The following CEP57 variants were observed in gnomAD, a reference collection of about 807,000 sequenced individuals.
CEP57 encodes centrosomal protein of 57 kDa.
A neutral mutation model predicts 68.0 loss-of-function variants in CEP57; 40 were observed. The observed-to-expected ratio is 0.59, with a 90% confidence interval of 0.46 to 0.77. CEP57 has a LOEUF of 0.77. Among genes scored for constraint, CEP57 ranks in the 30% least tolerant of loss-of-function variants. The probability of loss-of-function intolerance (pLI) is 0.00; values close to 1 mark genes in which losing one functional copy is unlikely to be tolerated. For synonymous variants in CEP57, 219 were observed against 198.7 expected, an observed-to-expected ratio of 1.10 and a Z score of -0.86; for missense variants, 606 against 580.7, an observed-to-expected ratio of 1.04 and a Z score of -0.45.
At chr11:95,827,117 A>G (rs888005972) in intron 8 of CEP57, 4 of 152,272 alleles carry the variant, frequency 2.6e-5, no homozygotes, top group Non-Finnish European at 5.9e-5. Context: ...ATCTATTTAT[A>G]AAGTGGAATA....
intron 5 of CEP57, among the ~76,000 whole-genome samples, chr11:95,818,447 T>A (rs1410186701): frequency 6.6e-6 from 1 of 152,104 alleles, no homozygotes; most frequent in Non-Finnish European, 1.5e-5. Context: ...TTGAGTATCC[T>A]TAAGGCTTGC....
chr11:95,793,993 A>G (rs1387134021), intron 1 of CEP57, among the ~76,000 whole-genome samples: 2 of 152,214 alleles, frequency 1.3e-5, no homozygotes, highest in Admixed American at 1.3e-4. Context: ...CGTTTGTGGT[A>G]GACTAGATCT....
intron 4 of CEP57, among the ~76,000 whole-genome samples, chr11:95,817,536 C>T (rs963666474): frequency 1.3e-5 from 2 of 152,022 alleles, no homozygotes; most frequent in South Asian, 4.2e-4. Flanking sequence ...CCTGCTATCC[C>T]AGAGCATAAA....
chr11:95,815,011 C>T (rs997251157), intron 4 of CEP57: 16 of 152,202 alleles, frequency 1.1e-4, no homozygotes, highest in African/African-American at 3.9e-4. Flanking sequence ...TAAATAGTTG[C>T]TGTACTATAT....
In CEP57 at chr11:95,799,288, T is replaced by G; in HGVS notation, c.102T>G (p.Ser34=). The G allele has an allele frequency of 3.7e-6, 6 of 1,614,140 alleles. No individual in the cohort carries two copies. Among genetic ancestry groups the G allele is most frequent in the Non-Finnish European group, 5.1e-6 (6 of 1,179,990 alleles). Residue 34 remains serine (S), a synonymous_variant, in exon 2 of 11, where the codon TCT becomes TCG. Coordinates refer to ENST00000325542, the MANE Select transcript of CEP57 (RefSeq NM_014679.5). The part of the protein sequence containing the change: ...SNGSMVRHSS[S]PYVVYPSDKP... ...GAAGCATGGTTCGGCATTCTTCATC[T>G]CCATATGTAGTATATCCTTCGGATA...
intron 6 of CEP57, among the ~76,000 whole-genome samples, chr11:95,819,173 C>T (rs965247204): frequency 1.3e-5 from 2 of 152,178 alleles, no homozygotes; most frequent in African/African-American, 4.8e-5. Context: ...AGACTACACA[C>T]ATAAGAAGGT....
At chr11:95,808,181 AC>A (rs1404270788) in intron 2 of CEP57, among the ~76,000 whole-genome samples, 4 of 152,212 alleles carry the variant, frequency 2.6e-5, no homozygotes, top group African/African-American at 9.7e-5. Context: ...AGATTTTGTT[AC>A]CACCAGGCCT....
intron 2 of CEP57, among the ~76,000 whole-genome samples, chr11:95,811,152 A>T (rs1452275930): frequency 6.6e-6 from 1 of 152,210 alleles, no homozygotes; most frequent in Non-Finnish European, 1.5e-5. Context: ...TTATTGCGGC[A>T]CGGTTCACAA....
intron 1 of CEP57, among the ~76,000 whole-genome samples, chr11:95,798,247 C>T (rs926667868): frequency 1.3e-5 from 2 of 152,048 alleles, no homozygotes; most frequent in Non-Finnish European, 2.9e-5. Context: ...TATTTGCTTT[C>T]TTAAATCACC....
In CEP57 at chr11:95,818,905, G is replaced by A. The variant is rs1452779317; in HGVS notation, c.699+1G>A. The A allele has an allele frequency of 6.2e-7, 1 of 1,612,960 alleles. No homozygotes were observed. Among genetic ancestry groups the A allele is most frequent in the South Asian group, 1.1e-5 (1 of 91,050 alleles). ...ACGCATGCAAGCTAAGGCAGCTGAG[G>A]TAAGTTAAAATGTGAGAAAGTGGGC... On this transcript the variant is annotated splice_donor_variant, in intron 6 of 10. Coordinates refer to ENST00000325542, the MANE Select transcript of CEP57 (RefSeq NM_014679.5). LOFTEE classifies it high-confidence loss of function.
intron 2 of CEP57, 70 bp from the exon 3 acceptor site, chr11:95,812,862 T>C: frequency 7.2e-7 from 1 of 1,380,016 alleles, no homozygotes; most frequent in Non-Finnish European, 1.0e-6. Context: ...TTAGATGAGT[T>C]TATTCTTTCT....
chr11:95,830,439 A>T (rs1862952708), intron 10 of CEP57, among the ~76,000 whole-genome samples: 2 of 152,222 alleles, frequency 1.3e-5, no homozygotes, highest in Admixed American at 1.3e-4. Flanking sequence ...TGGAACACCA[A>T]CATGCCAGCA....
chr11:95,818,919 G>C lies in CEP57; in HGVS notation c.699+15G>C. On this transcript the variant is annotated intron_variant, in intron 6 of 10. Coordinates refer to ENST00000325542, the MANE Select transcript of CEP57 (RefSeq NM_014679.5). ...AGGCAGCTGAGGTAAGTTAAAATGT[G>C]AGAAAGTGGGCTCTTCATATTTCTT... 6.3e-7 allele frequency: 1 copy of C among 1,593,592 alleles called. No individual in the cohort carries two copies. The highest frequency in any genetic ancestry group is 8.6e-7 in the Non-Finnish European group (1 of 1,161,580).
Position 95,832,675 on chromosome 11 carries a change from T to TGG in CEP57, c.*1420_*1421insGG, listed in dbSNP as rs1863060520. On this transcript the variant is annotated 3_prime_UTR_variant, in exon 11 of 11. Transcript: ENST00000325542. Reference sequence around the variant, plus strand: ...TTGTTTGAATTTCAGGTCATTAAATTGTATAACCATCATTTGAATTGTAGT... The same window carrying TGG: ...TTGTTTGAATTTCAGGTCATTAAATTGGGTATAACCATCATTTGAATTGTAGT... The TGG allele has an allele frequency of 6.6e-6, 1 of 151,972 alleles. No homozygotes were observed. The allele number at this position is 151,972 out of a possible 1,614,324, so 9.4% of individuals were successfully genotyped here.
intron 9 of CEP57, 72 bp downstream of exon 9, chr11:95,828,099 A>G: frequency 6.6e-7 from 1 of 1,507,070 alleles, no homozygotes; most frequent in Non-Finnish European, 8.9e-7. Context: ...TGTTGACTTT[A>G]TTAAATCTTA....
At chr11:95,801,324 A>T (rs541455543) in intron 2 of CEP57, among the ~76,000 whole-genome samples, 15 of 152,248 alleles carry the variant, frequency 9.9e-5, no homozygotes, top group Admixed American at 4.6e-4. Context: ...CTGTGTCTCG[A>T]TGATAACGAA....
intron 2 of CEP57, among the ~76,000 whole-genome samples, chr11:95,802,583 G>T (rs898497224): frequency 6.6e-6 from 1 of 152,072 alleles, no homozygotes; most frequent in Non-Finnish European, 1.5e-5. Flanking sequence ...GCTTCATCAA[G>T]GACATTGTGG....
chr11:95,791,739 C>G (rs943783948), intron 1 of CEP57, among the ~76,000 whole-genome samples: 2 of 151,974 alleles, frequency 1.3e-5, no homozygotes, highest in Non-Finnish European at 2.9e-5. Flanking sequence ...AGTTGCGTGT[C>G]GAAGGAATTG....
chr11:95,791,610 T>G (rs1861081807), intron 1 of CEP57, among the ~76,000 whole-genome samples: 1 of 152,142 alleles, frequency 6.6e-6, no homozygotes, highest in Non-Finnish European at 1.5e-5. Flanking sequence ...CTACACGTAA[T>G]TAGTGATTAC....
Sources: gnomAD v4.1 joint callset for allele counts (sites outside exome capture counted in the v4.1 genomes callset) on GRCh38, gnomAD v4.1.1 for gene constraint, MANE v1.5 for transcripts, NCBI Gene and HGNC (gene_info 2026-07-23, HGNC 2026-07-21) for gene names.